Variants in PIGO observed in about 807,000 individuals in gnomAD.
PIGO encodes the protein GPI ethanolamine phosphate transferase 3, catalytic subunit.
In PIGO, 66 loss-of-function variants were observed where a neutral mutation model predicts 86.9. The observed-to-expected ratio is 0.76, with a 90% CI of 0.62 to 0.93. PIGO has a LOEUF of 0.93. PIGO is among the 40% of genes least tolerant of loss of function. The pLI, the probability that PIGO is intolerant of heterozygous loss-of-function variation, is 0.00. For synonymous variants in PIGO, 570 were observed against 556.4 expected (o/e 1.02, Z -0.34); for missense variants, 1,202 against 1,359.1 (o/e 0.88, Z 1.82).
intron 3 of PIGO, 50 bp from the exon 4 acceptor site, chr9:35,094,074 C>A (rs755711441): frequency 6.3e-7 from 1 of 1,593,272 alleles, no homozygotes. Context: ...CACTCCTCAA[C>A]CCCAGCCAGG....
Position 35,092,445 on chromosome 9 carries a change from G to A in PIGO, c.1442C>T (p.Pro481Leu). The A allele has an allele frequency of 6.2e-7, 1 of 1,614,264 alleles. No homozygotes were observed. The highest frequency in any genetic ancestry group is 8.5e-7 in the Non-Finnish European group (1 of 1,180,042). Residue 481 changes from proline to leucine, a missense_variant, in exon 7 of 11, where the codon CCT (proline) becomes CTT (leucine). Transcript: ENST00000378617. ...WAISPGFPFC[P>L]LLLTPVAWGL... ...CCAGGCCACAGGTGTCAGGAGTAGAGGGCAGAATGGAAAGCCTGGGGATAT... is the reference window on the plus strand; with the variant it reads ...CCAGGCCACAGGTGTCAGGAGTAGAAGGCAGAATGGAAAGCCTGGGGATAT...
rs937355238 is a variant in PIGO at position 35,095,156 on chromosome 9, G to A, written c.410C>T (p.Ala137Val). ...PPTTTMQRLK[A>V]LTTGSLPTFI... ...GGTAGGCAGTGAGCCAGTGGTGAGGGCCTTGAGGCGCTGCATGGTGGTGGT... is the reference window on the plus strand; with the variant it reads ...GGTAGGCAGTGAGCCAGTGGTGAGGACCTTGAGGCGCTGCATGGTGGTGGT... Residue 137 changes from alanine to valine, a missense_variant, in exon 2 of 11, where the codon GCC becomes GTC. Transcript: ENST00000378617. The A allele has an allele frequency of 6.2e-7, 1 of 1,614,096 alleles. No homozygotes were observed. Among genetic ancestry groups the A allele is most frequent in the African/African-American group, 1.3e-5 (1 of 74,938 alleles).
At position 35,094,170 on chromosome 9, in the gene PIGO, C is replaced by T. The variant is rs748900742; in HGVS notation, c.655+46G>A. The stretch of plus-strand genomic sequence containing the variant: ...AGAATTTGTGGACTAAAGCAGTTCT[C>T]CCCAGCTCCCAGTCTTAGAACTAAG... On this transcript the variant is annotated intron_variant, in intron 3 of 10. Coordinates refer to ENST00000378617, the MANE Select transcript of PIGO (RefSeq NM_032634.4). 9 of 1,566,458 alleles carry T rather than the reference C, an allele frequency of 5.7e-6. No homozygotes were observed. The South Asian group carries it at 8.3e-5, about 15-fold the overall frequency.
rs1587158319 is a variant in PIGO at position 35,090,189 on chromosome 9, G to A, written c.2946C>T (p.Ala982=). The change falls in exon 9 of 11, where the codon GCC becomes GCT. Residue 982 remains alanine, a synonymous_variant. Coordinates refer to ENST00000378617, the MANE Select transcript of PIGO (RefSeq NM_032634.4). The part of the protein sequence containing the change: ...RQQPPGNEAD[A]RVRPEEEEEP... Reference sequence around the variant, plus strand: ...CCTCTTCCTCCTCGGGTCTGACTCTGGCATCAGCTTCATTCCCTGGGGGCT... The same window carrying A: ...CCTCTTCCTCCTCGGGTCTGACTCTAGCATCAGCTTCATTCCCTGGGGGCT... 1 of 1,614,222 alleles carries A rather than the reference G, an allele frequency of 6.2e-7. No homozygotes were observed. Among genetic ancestry groups the A allele is most frequent in the South Asian group, 1.1e-5 (1 of 91,086 alleles).
In PIGO at chr9:35,096,363, C is replaced by T. The variant is rs1829673738; in HGVS notation, c.-210G>A. On this transcript the variant is annotated 5_prime_UTR_variant, in exon 1 of 11. Transcript: ENST00000378617. ...CACGCAAGGAGGCTGGGGCCCGGGT[C>T]GAGAGTCGACTGGGCCTCCGCTGGG... 1 of 152,200 alleles carries T rather than the reference C, an allele frequency of 6.6e-6. No individual in the cohort carries two copies. 9.4% of individuals were successfully genotyped at this position (152,200 alleles called of 1,614,324 possible).
Position 35,089,645 on chromosome 9 carries a change from G to C in PIGO, c.3070-195C>G. 6 of 1,440,430 alleles carry C rather than the reference G, an allele frequency of 4.2e-6. No homozygotes were observed. In the South Asian group the frequency reaches 7.4e-5, roughly 18 times the overall value. The allele number at this position is 1,440,430 out of a possible 1,614,324, so 89.2% of individuals were successfully genotyped here. On this transcript the variant is annotated intron_variant, in intron 9 of 10. Coordinates refer to ENST00000378617, the MANE Select transcript of PIGO (RefSeq NM_032634.4). The stretch of plus-strand genomic sequence containing the variant: ...TGCCCCAAGCACTGACTCACTATGT[G>C]ACTTTGGGCAAGTCAGTATCCATCT...
At position 35,091,277 on chromosome 9, in the gene PIGO, T is replaced by C. The variant is rs757003544; in HGVS notation, c.2610A>G (p.Leu870=). 1.9e-6 allele frequency: 3 copies of C among 1,609,742 alleles called. No homozygotes were observed. The highest frequency in any genetic ancestry group is 2.5e-6 in the Non-Finnish European group (3 of 1,177,460). ...CGGGTATCCCAGCAGCAAGCAGATG[T>C]AGGAGAAGGAAGCTCTGCAGAAACA... ...LLLFLQSFLL[L]HLLAAGIPVT... The change falls in exon 7 of 11, where the codon CTA becomes CTG. Residue 870 remains leucine (L), a synonymous_variant. Coordinates refer to ENST00000378617, the MANE Select transcript of PIGO (RefSeq NM_032634.4).
chr9:35,092,397 T>C lies in PIGO; in HGVS notation c.1490A>G (p.Tyr497Cys). ...CTCAATAGTTCCCAGGAGTCCAGCA[T>C]ACGCTATGGCCCCAACCAGGCCCCA... ...VAWGLVGAIA[Y>C]AGLLGTIELK... Residue 497 changes from tyrosine to cysteine, a missense_variant, in exon 7 of 11, where the codon TAT (tyrosine) becomes TGT (cysteine). Tyr to Cys is a radical substitution (Grantham distance 194). Coordinates refer to ENST00000378617, the MANE Select transcript of PIGO (RefSeq NM_032634.4). 1 of 1,614,182 alleles carries C rather than the reference T, an allele frequency of 6.2e-7. No homozygotes were observed. The highest frequency in any genetic ancestry group is 2.2e-5 in the East Asian group (1 of 44,876).
chr9:35,091,796 G>A lies in PIGO; in HGVS notation c.2091C>T (p.Pro697=), dbSNP rs751948800. The A allele has an allele frequency of 1.7e-5, 28 of 1,612,960 alleles. No individual in the cohort carries two copies. Among genetic ancestry groups the A allele is most frequent in the East Asian group, 2.2e-5 (1 of 44,902 alleles). ...AGCGCACAAAGAGCATGGGTGGCTCGGGGCTCTTGAGATTACCATAGCGGC... is the reference window on the plus strand; with the variant it reads ...AGCGCACAAAGAGCATGGGTGGCTCAGGGCTCTTGAGATTACCATAGCGGC... ...WLRRYGNLKS[P]EPPMLFVRWG... is the part of the protein sequence containing the mutation. The change falls in exon 7 of 11, where the codon CCC becomes CCT. Residue 697 remains proline (P), a synonymous_variant. Coordinates refer to ENST00000378617, the MANE Select transcript of PIGO (RefSeq NM_032634.4).
chr9:35,094,286 GAAGA>G lies in PIGO; in HGVS notation c.581_584del (p.Phe194SerfsTer10). Reference sequence around the variant, plus strand: ...GGTCTCTGACATTGAAGGATGGGAAGAAGAAAGCTTTGGAGAAAGCACCAGGGAA... The same window carrying G: ...GGTCTCTGACATTGAAGGATGGGAAGAAGCTTTGGAGAAAGCACCAGGGAA... On this transcript the variant is annotated frameshift_variant, in exon 3 of 11. Coordinates refer to ENST00000378617, the MANE Select transcript of PIGO (RefSeq NM_032634.4). LOFTEE classifies it high-confidence loss of function. The G allele has an allele frequency of 6.2e-7, 1 of 1,609,118 alleles. No homozygotes were observed.
Position 35,090,147 on chromosome 9 carries a change from C to T in PIGO, c.2988G>A (p.Met996Ile), listed in dbSNP as rs759177338. 8 of 1,614,284 alleles carry T rather than the reference C, an allele frequency of 5.0e-6. No homozygotes were observed. The highest frequency in any genetic ancestry group is 2.2e-5 in the South Asian group (2 of 91,090). Residue 996 changes from methionine to isoleucine, a missense_variant, in exon 9 of 11, where the codon ATG (methionine) becomes ATA (isoleucine). Coordinates refer to ENST00000378617, the MANE Select transcript of PIGO (RefSeq NM_032634.4). Reference protein sequence around the residue: ...PEEEEEPLMEMRLRDAPQHFY... With the variant: ...PEEEEEPLMEIRLRDAPQHFY... ...AGTGCTGAGGCGCATCCCGGAGCCG[C>T]ATCTCCATCAGTGGCTCCTCTTCCT...
At position 35,092,025 on chromosome 9, in the gene PIGO, G is replaced by C. The variant is rs200504486; in HGVS notation, c.1862C>G (p.Ala621Gly). 12 of 1,614,218 alleles carry C rather than the reference G, an allele frequency of 7.4e-6. No individual in the cohort carries two copies. Among genetic ancestry groups the C allele is most frequent in the Non-Finnish European group, 8.5e-6 (10 of 1,180,042 alleles). The stretch of plus-strand genomic sequence containing the variant: ...AAGCAACCCAATTCCAAGCCTCAGG[G>C]CATATGCACCATTGTGCCGTGGGGG... ...TNPPRHNGAY[A>G]LRLGIGLLLC... Residue 621 changes from alanine to glycine, a missense_variant, in exon 7 of 11, where the codon GCC (alanine) becomes GGC (glycine). Ala to Gly is a moderately conservative substitution (Grantham distance 60). Coordinates refer to ENST00000378617, the MANE Select transcript of PIGO (RefSeq NM_032634.4).
chr9:35,094,381 G>C (rs546140659), intron 2 of PIGO, 22 bp from the exon 3 acceptor site: 1 of 1,591,638 alleles, frequency 6.3e-7, no homozygotes, highest in Non-Finnish European at 8.5e-7. Context: ...TGAAAGAGAA[G>C]TCAGAGCCTG....
rs771799139 is a variant in PIGO at position 35,089,100 on chromosome 9, G to C, written c.3262C>G (p.Gln1088Glu). 1.5e-5 allele frequency: 25 copies of C among 1,614,122 alleles called. No homozygotes were observed. Among genetic ancestry groups the C allele is most frequent in the South Asian group, 2.2e-5 (2 of 91,078 alleles). ...AGTAATCACAGACTAGGCTACCTCT[G>C]CTGGGCCAGAAATAGCTGCCTGAAC... ...SWFRQLFLAQ[Q>E]R The change falls in exon 11 of 11, where the codon CAG (glutamine) becomes GAG (glutamate). Residue 1088 changes from glutamine to glutamate, a missense_variant. Physicochemically the swap from Gln to Glu is conservative, Grantham distance 29 (BLOSUM62 2). Coordinates refer to ENST00000378617, the MANE Select transcript of PIGO (RefSeq NM_032634.4).
chr9:35,094,124 T>C, intron 3 of PIGO, 92 bp downstream of exon 3: 1 of 1,563,124 alleles, frequency 6.4e-7, no homozygotes, highest in South Asian at 1.2e-5. Context: ...AAGCCCAGGC[T>C]GTTACACCCA....
Position 35,092,394 on chromosome 9 carries a change from G to A in PIGO, c.1493C>T (p.Ala498Val), listed in dbSNP as rs139997527. 1.9e-6 allele frequency: 3 copies of A among 1,614,132 alleles called. No individual in the cohort carries two copies. Among genetic ancestry groups the A allele is most frequent in the African/African-American group, 2.7e-5 (2 of 74,948 alleles). Residue 498 changes from alanine to valine, a missense_variant, in exon 7 of 11, where the codon GCT (alanine) becomes GTT (valine). Coordinates refer to ENST00000378617, the MANE Select transcript of PIGO (RefSeq NM_032634.4). ...AWGLVGAIAYAGLLGTIELKL... is the reference protein window; with the variant it reads ...AWGLVGAIAYVGLLGTIELKL... ...CAGCTCAATAGTTCCCAGGAGTCCA[G>A]CATACGCTATGGCCCCAACCAGGCC... is the stretch of plus-strand genomic sequence containing the variant.
rs1387177511 is a variant in PIGO, at chr9:35,095,793, C to T, written c.-1-227G>A. On this transcript the variant is annotated intron_variant, in intron 1 of 10. Coordinates refer to ENST00000378617, the MANE Select transcript of PIGO (RefSeq NM_032634.4). ...CTTTGGGAGGCCGAGGCGGGCGGAT[C>T]ACCTGAGGTGAGGAGTTCGAGACCA... is the stretch of plus-strand genomic sequence containing the variant. The T allele has an allele frequency of 1.1e-5, 6 of 522,930 alleles. No individual in the cohort carries two copies. In the Admixed American group the frequency reaches 1.5e-4, roughly 13 times the overall value. The allele number at this position is 522,930 out of a possible 1,614,324, so 32.4% of individuals were successfully genotyped here.
Position 35,093,925 on chromosome 9 carries a change from A to C in PIGO, c.755T>G (p.Leu252Arg), listed in dbSNP as rs1172560986. The change falls in exon 4 of 11, where the codon CTT becomes CGT. Residue 252 changes from leucine to arginine, a missense_variant. Transcript: ENST00000378617. ...CTGGATCACCTGGTCCATCTGGCTAAGTTTCTTGGCCATTTCAGGGTGGTG... is the reference window on the plus strand; with the variant it reads ...CTGGATCACCTGGTCCATCTGGCTACGTTTCTTGGCCATTTCAGGGTGGTG... The part of the protein sequence containing the change: ...GPHHPEMAKK[L>R]SQMDQVIQGL... The C allele has an allele frequency of 6.2e-7, 1 of 1,614,162 alleles. No individual in the cohort carries two copies. The highest frequency in any genetic ancestry group is 1.1e-5 in the South Asian group (1 of 91,086).
At position 35,092,794 on chromosome 9, in the gene PIGO, G is replaced by T. The variant is rs751868058; in HGVS notation, c.1120-27C>A. ...TGGCAGAGAAAAGGTCAGAGGCCAA[G>T]GGGAACAGGTCAGAGACATAAATTG... On this transcript the variant is annotated intron_variant, in intron 6 of 10. Transcript: ENST00000378617. The T allele has an allele frequency of 3.8e-6, 6 of 1,568,888 alleles. No individual in the cohort carries two copies. The Admixed American group carries it at 1.1e-4, about 29-fold the overall frequency.
Sources: allele counts gnomAD v4.1 joint callset, GRCh38; gene constraint gnomAD v4.1.1; transcripts MANE v1.5; gene names NCBI Gene and HGNC (gene_info 2026-07-23, HGNC 2026-07-21).